Variants in GLE1 observed in about 807,000 individuals in gnomAD.
GLE1 encodes mRNA export factor GLE1.
In GLE1, 78 loss-of-function variants were observed where a neutral mutation model predicts 97.3. The ratio of observed to expected loss-of-function variants is 0.80; its 90% confidence interval spans 0.67 to 0.97. The LOEUF is 0.97. Among genes scored for constraint, GLE1 ranks in the 50% least tolerant of loss-of-function variants. The pLI, the probability that GLE1 is intolerant of heterozygous loss-of-function variation, is 0.00. For synonymous variants in GLE1, 302 were observed against 313.4 expected (o/e 0.96, Z 0.39); for missense variants, 753 against 857.5 (o/e 0.88, Z 1.52).
chr9:128,540,990 A>T, intron 15 of GLE1, 112 bp from the exon 16 acceptor site: 1 of 769,728 alleles, frequency 1.3e-6, no homozygotes, highest in Admixed American at 1.8e-5. Flanking sequence ...CTTTTTGTTC[A>T]CTGTTCCATA....
At chr9:128,516,814 C>T (rs1388417498) in intron 3 of GLE1, among the ~76,000 whole-genome samples, 5 of 150,922 alleles carry the variant, frequency 3.3e-5, no homozygotes, top group African/African-American at 9.7e-5. Context: ...TTAGTAGAGA[C>T]GGGGTTTCAC....
chr9:128,521,225 G>A (rs939834708), intron 3 of GLE1, among the ~76,000 whole-genome samples: 2 of 151,908 alleles, frequency 1.3e-5, no homozygotes, highest in African/African-American at 4.8e-5. Context: ...GCCTTCTTTC[G>A]CTGGAAGCTT....
intron 9 of GLE1, among the ~76,000 whole-genome samples, chr9:128,533,194 C>T (rs1031085214): frequency 3.3e-5 from 5 of 151,510 alleles, no homozygotes; most frequent in Admixed American, 6.6e-5. Context: ...GAGGCCAAAG[C>T]GGGCGGATCA....
chr9:128,537,628 A>G (rs1237127751), intron 12 of GLE1, among the ~76,000 whole-genome samples: 1 of 151,984 alleles, frequency 6.6e-6, no homozygotes, highest in Non-Finnish European at 1.5e-5. Context: ...ACAAGGTGAA[A>G]CCATGTCTCT....
At chr9:128,528,444 C>T (rs1478409562) in intron 9 of GLE1, among the ~76,000 whole-genome samples, 1 of 151,966 alleles carries the variant, frequency 6.6e-6, no homozygotes, top group Non-Finnish European at 1.5e-5. Flanking sequence ...GCTGGGACTA[C>T]AGCTGCCCGC....
In GLE1 at chr9:128,541,233, A is replaced by C. The variant is rs1320809933; in HGVS notation, c.*63A>C. 1 of 935,318 alleles carries C rather than the reference A, an allele frequency of 1.1e-6. No individual in the cohort carries two copies. Among genetic ancestry groups the C allele is most frequent in the Non-Finnish European group, 1.8e-6 (1 of 559,662 alleles). The allele number at this position is 935,318 out of a possible 1,614,324, so 57.9% of individuals were successfully genotyped here. A position where few individuals can be genotyped will look rare whatever the true frequency, so the allele number is the denominator to read the frequency against. ...AGGCAATAATAAAGGAACTGAAGAC[A>C]GCTGTATTTGGGAGAAGTCATGTCA... On this transcript the variant is annotated 3_prime_UTR_variant, in exon 16 of 16. Coordinates refer to ENST00000309971, the MANE Select transcript of GLE1 (RefSeq NM_001003722.2).
Position 128,533,600 on chromosome 9 carries a change from C to A in GLE1, c.1400C>A (p.Thr467Lys). 1 of 1,614,036 alleles carries A rather than the reference C, an allele frequency of 6.2e-7. No homozygotes were observed. The highest frequency in any genetic ancestry group is 8.5e-7 in the Non-Finnish European group (1 of 1,179,906). The change falls in exon 10 of 16, where the codon ACA becomes AAA. Residue 467 changes from threonine to lysine, a missense_variant. Transcript: ENST00000309971. Reference protein sequence around the residue: ...VQSGGRSVSVTLNPQGLDFVQ... With the variant: ...VQSGGRSVSVKLNPQGLDFVQ... Reference sequence around the variant, plus strand: ...TCTGGTGGGCGCTCTGTGTCTGTCACACTTAACCCACAGGGGCTGGACTTT... The same window carrying A: ...TCTGGTGGGCGCTCTGTGTCTGTCAAACTTAACCCACAGGGGCTGGACTTT...
intron 1 of GLE1, among the ~76,000 whole-genome samples, chr9:128,507,645 T>C (rs1390898696): frequency 1.3e-5 from 2 of 150,692 alleles, no homozygotes; most frequent in Admixed American, 6.6e-5. Context: ...CCCAACACTT[T>C]GGGAGGCTGA....
chr9:128,530,964 C>T (rs62584810), intron 9 of GLE1, among the ~76,000 whole-genome samples: 4 of 151,282 alleles, frequency 2.6e-5, no homozygotes, highest in African/African-American at 9.7e-5. Context: ...ATCCTGTAAT[C>T]CCAGCACTTT....
At position 128,541,281 on chromosome 9, in the gene GLE1, T is replaced by C. The variant is rs567740764; in HGVS notation, c.*111T>C. 457 of 769,300 alleles carry C rather than the reference T, an allele frequency of 5.9e-4. 3 individuals carry two copies. Among genetic ancestry groups the C allele is most frequent in the Admixed American group, 4.9e-4 (27 of 54,870 alleles). The allele number at this position is 769,300 out of a possible 1,614,324, so 47.7% of individuals were successfully genotyped here. ...TCAGATTCAGAAATTTGCCATTATGTATTTTTATGTATTTATGCCTTGTGA... is the reference window on the plus strand; with the variant it reads ...TCAGATTCAGAAATTTGCCATTATGCATTTTTATGTATTTATGCCTTGTGA... On this transcript the variant is annotated 3_prime_UTR_variant, in exon 16 of 16. Transcript: ENST00000309971.
At chr9:128,534,649 T>A (rs1847638054) in intron 11 of GLE1, among the ~76,000 whole-genome samples, 1 of 152,114 alleles carries the variant, frequency 6.6e-6, no homozygotes, top group African/African-American at 2.4e-5. Flanking sequence ...TGATGATGGA[T>A]ATGAGTGCTT....
chr9:128,530,021 C>G (rs1847441916), intron 9 of GLE1, among the ~76,000 whole-genome samples: 1 of 152,174 alleles, frequency 6.6e-6, no homozygotes, highest in East Asian at 1.9e-4. Flanking sequence ...TGGTCTCGAT[C>G]TTCTGACCTC....
At chr9:128,518,593 G>T (rs140940265) in intron 3 of GLE1, among the ~76,000 whole-genome samples, 5 of 151,388 alleles carry the variant, frequency 3.3e-5, no homozygotes, top group African/African-American at 7.3e-5. Context: ...AAAATAGCTG[G>T]ACATGGTGGC....
chr9:128,511,685 G>A (rs1412435610), intron 2 of GLE1, among the ~76,000 whole-genome samples: 8 of 146,782 alleles, frequency 5.5e-5, no homozygotes, highest in African/African-American at 1.5e-4. Context: ...CAGCCTGGGC[G>A]ACAGAGCAAG....
At chr9:128,526,295 C>A (rs893913085) in intron 7 of GLE1, among the ~76,000 whole-genome samples, 1 of 151,958 alleles carries the variant, frequency 6.6e-6, no homozygotes, top group Non-Finnish European at 1.5e-5. Context: ...GCTAGGATTA[C>A]AGGTGTGAGC....
At position 128,523,590 on chromosome 9, in the gene GLE1, A is replaced by G. The variant is rs1248511253; in HGVS notation, c.643-2A>G. The G allele has an allele frequency of 6.2e-7, 1 of 1,614,074 alleles. No individual in the cohort carries two copies. Among genetic ancestry groups the G allele is most frequent in the Admixed American group, 1.7e-5 (1 of 60,006 alleles). On this transcript the variant is annotated splice_acceptor_variant, in intron 5 of 15. Coordinates refer to ENST00000309971, the MANE Select transcript of GLE1 (RefSeq NM_001003722.2). LOFTEE classifies it high-confidence loss of function. ...GAGAAGTCACTCAGCCCTTTTCTAC[A>G]GATTCTCAACCTGAAGCTGCGGGAA...
chr9:128,527,982 CTCTT>C (rs1263301927), intron 9 of GLE1, among the ~76,000 whole-genome samples: 1 of 146,010 alleles, frequency 6.8e-6, no homozygotes, highest in Non-Finnish European at 1.5e-5. Context: ...AAAAAGAAGA[CTCTT>C]TTTTTTTTCT....
At chr9:128,518,862 CAAAAAA>C (rs909204943) in intron 3 of GLE1, among the ~76,000 whole-genome samples, 1 of 69,748 alleles carries the variant, frequency 1.4e-5, no homozygotes, top group Non-Finnish European at 3.0e-5. Flanking sequence ...AGCGAGACTC[CAAAAAA>C]AAAAAAAAAA....
rs865792793 is a variant in GLE1, at chr9:128,541,572, A to G, written c.*402A>G. 3.9e-5 allele frequency: 8 copies of G among 206,088 alleles called. No homozygotes were observed. Among genetic ancestry groups the G allele is most frequent in the South Asian group, 2.7e-4 (3 of 11,192 alleles). The allele number at this position is 206,088 out of a possible 1,614,324, so 12.8% of individuals were successfully genotyped here. A position where few individuals can be genotyped will look rare whatever the true frequency, so the allele number is the denominator to read the frequency against. On this transcript the variant is annotated 3_prime_UTR_variant, in exon 16 of 16. Transcript: ENST00000309971. ...CCCACCCTCACCCCTGTTCAGATGA[A>G]TTTCCAGAAAGAGCTAAGGCTCATA... is the stretch of plus-strand genomic sequence containing the variant.
Sources: gnomAD v4.1 joint callset for allele counts (sites outside exome capture counted in the v4.1 genomes callset) on GRCh38, gnomAD v4.1.1 for gene constraint, MANE v1.5 for transcripts, NCBI Gene and HGNC (gene_info 2026-07-23, HGNC 2026-07-21) for gene names.